Variants in TRRAP observed in about 807,000 individuals in gnomAD.
TRRAP encodes transformation/transcription domain-associated protein.
A neutral mutation model predicts 438.8 loss-of-function variants in TRRAP; 41 were observed. That is an observed-to-expected ratio of 0.09 (90% CI 0.07 to 0.12). The LOEUF (loss-of-function observed/expected upper bound fraction) is 0.12, where lower values mean the gene tolerates loss of function less well. TRRAP is among the 10% of genes least tolerant of loss of function. The probability of loss-of-function intolerance (pLI) is 1.00; values close to 1 mark genes in which losing one functional copy is unlikely to be tolerated. For synonymous variants in TRRAP, 1,994 were observed against 1,962.9 expected, an observed-to-expected ratio of 1.02 and a Z score of -0.42; for missense variants, 3,122 against 5,055.1, an observed-to-expected ratio of 0.62 and a Z score of 11.60.
intron 33 of TRRAP, 140 bp downstream of exon 33, chr7:98,946,090 C>CA (rs1438635325): frequency 6.4e-5 from 55 of 860,914 alleles, no homozygotes; most frequent in Non-Finnish European, 7.2e-5. Context: ...CTGTCTGTGG[C>CA]AGAGTTGTAT....
chr7:98,979,665 T>TC (rs1210411437), intron 58 of TRRAP, among the ~76,000 whole-genome samples: 1 of 152,204 alleles, frequency 6.6e-6, no homozygotes, highest in Non-Finnish European at 1.5e-5. Flanking sequence ...CCCTTCTTTC[T>TC]CCTTCCCAAA....
Position 98,908,918 on chromosome 7 carries a change from C to G in TRRAP, c.1306C>G (p.Gln436Glu). The change falls in exon 14 of 73, where the codon CAG becomes GAG. Residue 436 changes from glutamine (Q) to glutamate (E), a missense_variant. Gln to Glu is a conservative substitution (Grantham distance 29, BLOSUM62 2). Transcript: ENST00000456197. The surrounding 1 kb of genome is among the most constrained non-coding windows in gnomAD (Gnocchi z 4.1). ...GGACTGCATCCGTTCCAAGAGCGAGCAGGAGAGTGGCAATGGGAGAGACGT... is the reference window on the plus strand; with the variant it reads ...GGACTGCATCCGTTCCAAGAGCGAGGAGGAGAGTGGCAATGGGAGAGACGT... ...LVDCIRSKSE[Q>E]ESGNGRDVLM... 1 of 1,613,856 alleles carries G rather than the reference C, an allele frequency of 6.2e-7. No individual in the cohort carries two copies. Among genetic ancestry groups the G allele is most frequent in the Non-Finnish European group, 8.5e-7 (1 of 1,179,910 alleles).
chr7:98,886,483 T>C (rs190176089), intron 3 of TRRAP, among the ~76,000 whole-genome samples: 4 of 152,200 alleles, frequency 2.6e-5, no homozygotes, highest in Admixed American at 2.6e-4. Context: ...GAGATAGATA[T>C]AGATATCTAG....
intron 13 of TRRAP, among the ~76,000 whole-genome samples, chr7:98,906,920 A>G (rs1013760355): frequency 6.6e-6 from 1 of 152,096 alleles, no homozygotes; most frequent in Non-Finnish European, 1.5e-5. Flanking sequence ...CCTACCAGGA[A>G]GATAGAAGGG....
At chr7:98,932,956 A>G (rs782341950) in intron 26 of TRRAP, among the ~76,000 whole-genome samples, 1 of 151,576 alleles carries the variant, frequency 6.6e-6, no homozygotes, top group African/African-American at 2.4e-5. Context: ...AGGCTATAGC[A>G]CAGTCTGGTA....
In TRRAP at chr7:98,892,498, T is replaced by C. The variant is rs1372764274; in HGVS notation, c.336T>C (p.Asn112=). 3.7e-6 allele frequency: 6 copies of C among 1,612,742 alleles called. No individual in the cohort carries two copies. The African/African-American group carries it at 8.0e-5, about 22-fold the overall frequency. ...AACATCTTCGTCCTCACACAAAAAATGTTTTGTCTGTGATGTTTCGCTTTT... is the reference window on the plus strand; with the variant it reads ...AACATCTTCGTCCTCACACAAAAAACGTTTTGTCTGTGATGTTTCGCTTTT... The part of the protein sequence containing the change: ...TNEHLRPHTK[N]VLSVMFRFLE... Residue 112 remains asparagine (N), a synonymous_variant, in exon 5 of 73, where the codon AAT becomes AAC. Coordinates refer to ENST00000456197, the MANE Select transcript of TRRAP (RefSeq NM_001375524.1).
At chr7:98,929,465 AAC>A (rs1790222418) in intron 23 of TRRAP, among the ~76,000 whole-genome samples, 1 of 152,254 alleles carries the variant, frequency 6.6e-6, no homozygotes, top group Admixed American at 6.5e-5. Flanking sequence ...ACATGAAAAT[AAC>A]ACAGTGTATC....
At chr7:98,990,702 T>C (rs886782675) in intron 64 of TRRAP, 83 bp downstream of exon 64, 37 of 1,475,956 alleles carry the variant, frequency 2.5e-5, no homozygotes, top group Non-Finnish European at 3.0e-5. Context: ...AGAAAGTAAA[T>C]TTGAGTGTTC....
At chr7:98,996,366 G>T (rs1213427592) in intron 67 of TRRAP, among the ~76,000 whole-genome samples, 2 of 152,196 alleles carry the variant, frequency 1.3e-5, no homozygotes, top group Non-Finnish European at 2.9e-5. Context: ...AGCGCGTGGC[G>T]GGCTCTCTTG....
Position 98,976,890 on chromosome 7 carries a change from A to G in TRRAP, c.8248-49A>G, listed in dbSNP as rs751407053. ...ACAGTGAAACTATTTTTAGGGGGGA[A>G]AAAAAGTCTCTGTCTCAAGCACTCA... On this transcript the variant is annotated intron_variant, in intron 55 of 72. Coordinates refer to ENST00000456197, the MANE Select transcript of TRRAP (RefSeq NM_001375524.1). The surrounding 1 kb of genome is among the most constrained non-coding windows in gnomAD (Gnocchi z 4.6). The G allele has an allele frequency of 1.3e-5, 20 of 1,599,196 alleles. No homozygotes were observed. In the African/African-American group the frequency reaches 2.4e-4, roughly 19 times the overall value.
chr7:98,981,711 C>CTT (rs1306205093), intron 58 of TRRAP, 58 bp from the exon 59 acceptor site: 1 of 1,525,590 alleles, frequency 6.6e-7, no homozygotes, highest in East Asian at 2.5e-5. Flanking sequence ...CTGTTTGACA[C>CTT]TTTACACTGA....
At chr7:98,943,820 G>C (rs1421994772) in intron 31 of TRRAP, among the ~76,000 whole-genome samples, 2 of 151,996 alleles carry the variant, frequency 1.3e-5, no homozygotes, top group African/African-American at 4.8e-5. Context: ...TTCCTATTAG[G>C]GACTTCCTTA....
At chr7:98,901,755 C>G (rs1288925093) in intron 11 of TRRAP, among the ~76,000 whole-genome samples, 3 of 152,090 alleles carry the variant, frequency 2.0e-5, no homozygotes, top group Admixed American at 1.3e-4. Flanking sequence ...GGCCATGTTG[C>G]CCAGGCTGGT....
At chr7:98,953,910 GCT>G (rs1791464938) in intron 40 of TRRAP, among the ~76,000 whole-genome samples, 1 of 152,222 alleles carries the variant, frequency 6.6e-6, no homozygotes, top group Admixed American at 6.5e-5. Flanking sequence ...TTCCCACTCT[GCT>G]CTCTCGTTCC....
rs1267385484 is a variant in TRRAP at position 98,976,694 on chromosome 7, A to G, written c.8171A>G (p.Lys2724Arg). 2 of 1,614,036 alleles carry G rather than the reference A, an allele frequency of 1.2e-6. No individual in the cohort carries two copies. Among genetic ancestry groups the G allele is most frequent in the African/African-American group, 2.7e-5 (2 of 74,918 alleles). Residue 2724 changes from lysine (K) to arginine (R), a missense_variant, in exon 55 of 73, where the codon AAG becomes AGG. Physicochemically the swap from Lys to Arg is conservative, Grantham distance 26 (BLOSUM62 2). Transcript: ENST00000456197. The surrounding 1 kb of genome is among the most constrained non-coding windows in gnomAD (Gnocchi z 4.6). ...TLMLEHQAFE[K>R]GLSLQIKPKQ... ...ATGTTGGAGCACCAGGCTTTTGAAAAGGGTCTGAGTCTTCAGATTAAGCCG... is the reference window on the plus strand; with the variant it reads ...ATGTTGGAGCACCAGGCTTTTGAAAGGGGTCTGAGTCTTCAGATTAAGCCG...
chr7:98,964,519 A>G (rs1344210154), intron 47 of TRRAP, 110 bp from the exon 48 acceptor site: 2 of 1,317,986 alleles, frequency 1.5e-6, no homozygotes, highest in East Asian at 4.7e-5. Context: ...TGACACTGGG[A>G]TTAACTATGC....
rs553983717 is a variant in TRRAP at position 98,902,667 on chromosome 7, G to A, written c.898-712G>A. Among the ~76,000 whole-genome samples the A allele has an allele frequency of 5.2e-4, 79 of 152,166 alleles. 1 individual carries two copies. Among genetic ancestry groups the A allele is most frequent in the African/African-American group, 1.8e-3 (75 of 41,514 alleles). On this transcript the variant is annotated intron_variant, in intron 11 of 72. Coordinates refer to ENST00000456197, the MANE Select transcript of TRRAP (RefSeq NM_001375524.1). ...TCAGCTTGCGTTATCTTGGTGAGTG[G>A]CCTTCTGCTGACACCGCAAAAGAAG...
Position 99,011,495 on chromosome 7 carries a change from T to C in TRRAP, c.11297T>C (p.Met3766Thr). Residue 3766 changes from methionine to threonine, a missense_variant, in exon 72 of 73, where the codon ATG becomes ACG. Around this residue, in one of 24 missense-constraint regions of TRRAP, gnomAD observed 192 missense variants for 355.6 expected, o/e 0.54. Coordinates refer to ENST00000456197, the MANE Select transcript of TRRAP (RefSeq NM_001375524.1). The surrounding 1 kb of genome is among the most constrained non-coding windows in gnomAD (Gnocchi z 7.1). Reference protein sequence around the residue: ...IGVSGPLTASMIAVARCFAQP... With the variant: ...IGVSGPLTASTIAVARCFAQP... Reference sequence around the variant, plus strand: ...GTCTCCGGCCCGTTGACAGCGTCCATGATTGCGGTCGCCCGGTGCTTCGCC... The same window carrying C: ...GTCTCCGGCCCGTTGACAGCGTCCACGATTGCGGTCGCCCGGTGCTTCGCC... The C allele has an allele frequency of 6.2e-7, 1 of 1,614,224 alleles. No homozygotes were observed. Among genetic ancestry groups the C allele is most frequent in the East Asian group, 2.2e-5 (1 of 44,870 alleles).
chr7:98,950,836 G>T, intron 38 of TRRAP, 40 bp from the exon 39 acceptor site: 2 of 1,488,230 alleles, frequency 1.3e-6, no homozygotes, highest in Non-Finnish European at 1.8e-6. Context: ...AAACAGCATG[G>T]CTTTGTTTTT....
Sources: gnomAD v4.1 joint callset for allele counts (sites outside exome capture counted in the v4.1 genomes callset) on GRCh38, gnomAD v4.1.1 for gene constraint, gnomAD v4.1.1 regional missense constraint, Gnocchi (gnomAD v3.1) non-coding constraint, MANE v1.5 for transcripts, NCBI Gene and HGNC (gene_info 2026-07-23, HGNC 2026-07-21) for gene names.